Variants in TRPM3 observed in about 807,000 individuals in gnomAD.
TRPM3 encodes the protein long transient receptor potential channel 3.
A neutral mutation model predicts 181.2 loss-of-function variants in TRPM3; 77 were observed. The observed-to-expected ratio is 0.42, with a 90% CI of 0.35 to 0.51. The LOEUF is 0.51. Ranked by LOEUF, TRPM3 falls within the 20% of genes least tolerant of loss-of-function variation. The pLI, the probability that TRPM3 is intolerant of heterozygous loss-of-function variation, is 0.01. For synonymous variants in TRPM3, 745 were observed against 796.4 expected, an observed-to-expected ratio of 0.94 and a Z score of 1.09; for missense variants, 1,759 against 2,196.7, an observed-to-expected ratio of 0.80 and a Z score of 3.98.
intron 1 of TRPM3, among the ~76,000 whole-genome samples, chr9:71,200,186 A>C (rs1293489191): frequency 6.6e-6 from 1 of 152,006 alleles, no homozygotes; most frequent in African/African-American, 2.4e-5. Context: ...AGTGGTTTTG[A>C]GTGAGTTTCT....
intron 8 of TRPM3, among the ~76,000 whole-genome samples, chr9:70,748,683 C>A (rs181800971): frequency 1.3e-5 from 2 of 152,032 alleles, no homozygotes; most frequent in Non-Finnish European, 2.9e-5. Context: ...GTACCATTTA[C>A]GAGAAAGTGG....
intron 1 of TRPM3, among the ~76,000 whole-genome samples, chr9:71,028,029 A>G (rs769027769): frequency 7.2e-5 from 11 of 152,184 alleles, no homozygotes; most frequent in Non-Finnish European, 8.8e-5. Context: ...TCTCCAAGGT[A>G]GAAAAGAAAG....
At chr9:70,565,818 G>T (rs57946612) in intron 22 of TRPM3, among the ~76,000 whole-genome samples, 2 of 152,246 alleles carry the variant, frequency 1.3e-5, no homozygotes, top group South Asian at 2.1e-4. Flanking sequence ...CTTAGATCTG[G>T]CATTTTGCCA....
rs78957277 is a variant in TRPM3 at position 71,076,465 on chromosome 9, A to G, written c.177+44713T>C. On this transcript the variant is annotated intron_variant, in intron 1 of 25. Coordinates refer to ENST00000677713, the MANE Select transcript of TRPM3 (RefSeq NM_001366145.2). ...CTTGGCAGCAGCCATCAGCTGGGAA[A>G]GGGAGGGCTGCCACGCACCCAGGAA... Among the ~76,000 whole-genome samples the G allele has an allele frequency of 9.3e-3, 1,409 of 152,288 alleles. 22 individuals are homozygous for G. The highest frequency in any genetic ancestry group is 0.03 in the African/African-American group (1,264 of 41,572).
Position 70,625,626 on chromosome 9 carries a change from T to C in TRPM3, c.1633-109A>G. 8.8e-7 allele frequency: 1 copy of C among 1,137,030 alleles called. No individual in the cohort carries two copies. The highest frequency in any genetic ancestry group is 1.3e-6 in the Non-Finnish European group (1 of 780,126). The allele number at this position is 1,137,030 out of a possible 1,614,324, so 70.4% of individuals were successfully genotyped here. A position where few individuals can be genotyped will look rare whatever the true frequency, so the allele number is the denominator to read the frequency against. ...AGCTGGGGAGAAAAAAACACCAGTG[T>C]AGAAGAAAGAAACACAAGGCTAGAC... is the stretch of plus-strand genomic sequence containing the variant. On this transcript the variant is annotated intron_variant, in intron 12 of 25. Transcript: ENST00000677713. The surrounding 1 kb of genome is among the most constrained non-coding windows in gnomAD (Gnocchi z 4.8).
chr9:71,400,936 G>T (rs1055583331), intron 1 of TRPM3, among the ~76,000 whole-genome samples: 4 of 152,096 alleles, frequency 2.6e-5, no homozygotes, highest in Non-Finnish European at 5.9e-5. Context: ...AGTGGCTCAT[G>T]CCTGTAATCC....
intron 25 of TRPM3, among the ~76,000 whole-genome samples, chr9:70,544,974 T>C (rs1370424447): frequency 1.3e-5 from 2 of 151,962 alleles, no homozygotes; most frequent in African/African-American, 4.8e-5. Context: ...ATAATAATCA[T>C]CACCATTTAT....
chr9:70,917,645 A>C, intron 1 of TRPM3: 3 of 433,172 alleles, frequency 6.9e-6, no homozygotes, highest in Middle Eastern at 1.0e-3. Flanking sequence ...CAGAGTAAAT[A>C]CACAAAAATA....
At chr9:71,309,613 G>A (rs958923346) in intron 1 of TRPM3, among the ~76,000 whole-genome samples, 2 of 151,958 alleles carry the variant, frequency 1.3e-5, no homozygotes, top group African/African-American at 4.8e-5. Context: ...TACAATTTTG[G>A]TGTAATTCTG....
At chr9:71,392,861 G>A (rs1290023225) in intron 1 of TRPM3, among the ~76,000 whole-genome samples, 1 of 152,006 alleles carries the variant, frequency 6.6e-6, no homozygotes, top group Non-Finnish European at 1.5e-5. Flanking sequence ...TCCCCTTTAG[G>A]AAATGGAGTA....
chr9:71,159,923 T>A (rs750789991), intron 1 of TRPM3, among the ~76,000 whole-genome samples: 12 of 152,112 alleles, frequency 7.9e-5, no homozygotes, highest in Admixed American at 5.2e-4. Flanking sequence ...TAGGGAACTA[T>A]TGAGTGTTTG....
intron 1 of TRPM3, among the ~76,000 whole-genome samples, chr9:71,171,434 C>A (rs147120106): frequency 2.6e-5 from 4 of 152,124 alleles, no homozygotes; most frequent in East Asian, 1.9e-4. Context: ...ATGTCTCCCC[C>A]GAACACCCGG....
chr9:70,693,779 C>G (rs938109694), intron 8 of TRPM3, among the ~76,000 whole-genome samples: 1 of 152,238 alleles, frequency 6.6e-6, no homozygotes, highest in Non-Finnish European at 1.5e-5. Context: ...GGTCATACCA[C>G]TTGTTACTGG....
intron 1 of TRPM3, among the ~76,000 whole-genome samples, chr9:71,328,338 T>A (rs35098888): frequency 0.061 from 9,227 of 152,142 alleles, 361 homozygotes; most frequent in African/African-American, 0.097. Flanking sequence ...TAATTTTTTG[T>A]ATTTTTTTTA....
intron 8 of TRPM3, among the ~76,000 whole-genome samples, chr9:70,746,360 G>C (rs539904999): frequency 6.6e-5 from 10 of 152,168 alleles, no homozygotes; most frequent in African/African-American, 2.2e-4. Flanking sequence ...TAGATAGTTG[G>C]CCTTCAGTTT....
At chr9:71,370,296 A>G (rs779003211) in intron 1 of TRPM3, among the ~76,000 whole-genome samples, 17 of 152,232 alleles carry the variant, frequency 1.1e-4, no homozygotes, top group Non-Finnish European at 2.4e-4. Context: ...CTTAGTGAGG[A>G]TGGCATGGCA....
At chr9:71,105,407 C>T (rs1378064785) in intron 1 of TRPM3, among the ~76,000 whole-genome samples, 1 of 152,142 alleles carries the variant, frequency 6.6e-6, no homozygotes, top group African/African-American at 2.4e-5. Context: ...GGGAAAAACA[C>T]CAGGGTGGTT....
At chr9:71,100,317 T>C (rs1490670504) in intron 1 of TRPM3, among the ~76,000 whole-genome samples, 1 of 152,096 alleles carries the variant, frequency 6.6e-6, no homozygotes, top group Admixed American at 6.6e-5. Flanking sequence ...GCAATAAAGA[T>C]ACAAGCATGA....
At chr9:71,397,043 A>T (rs1162427433) in intron 1 of TRPM3, among the ~76,000 whole-genome samples, 1 of 152,110 alleles carries the variant, frequency 6.6e-6, no homozygotes, top group Non-Finnish European at 1.5e-5. Flanking sequence ...TTCAATGTTC[A>T]TATATACACA....
Sources: allele counts gnomAD v4.1 joint callset (sites outside exome capture counted in the v4.1 genomes callset), GRCh38; gene constraint gnomAD v4.1.1; non-coding constraint Gnocchi (gnomAD v3.1); transcripts MANE v1.5; gene names NCBI Gene and HGNC (gene_info 2026-07-23, HGNC 2026-07-21).